The following RBM20 variants were observed in gnomAD, a reference collection of about 807,000 sequenced individuals.
RBM20 encodes the protein RNA-binding protein 20.
RBM20 carries 51 observed loss-of-function variants against 110.1 expected under a neutral mutation model. The ratio of observed to expected loss-of-function variants is 0.46; its 90% CI spans 0.37 to 0.59. The LOEUF (loss-of-function observed/expected upper bound fraction) is 0.59. RBM20 is among the 20% of genes least tolerant of loss of function. The pLI, the probability that RBM20 is intolerant of heterozygous loss-of-function variation, is 0.00. For missense variants in RBM20, 1,512 were observed against 1,574.9 expected, an observed-to-expected ratio of 0.96 and a Z score of 0.68; for synonymous variants, 589 against 618.2, an observed-to-expected ratio of 0.95 and a Z score of 0.70.
intron 12 of RBM20, among the ~76,000 whole-genome samples, chr10:110,828,554 T>C (rs780418946): frequency 6.6e-6 from 1 of 152,206 alleles, no homozygotes; most frequent in African/African-American, 2.4e-5. Flanking sequence ...AAAGCCAACA[T>C]TTAGGCAGTT....
chr10:110,681,562 G>A (rs1862422785), intron 1 of RBM20, among the ~76,000 whole-genome samples: 1 of 152,216 alleles, frequency 6.6e-6, no homozygotes, highest in Non-Finnish European at 1.5e-5. Flanking sequence ...ACCATTGGAA[G>A]GTTGAGGCTG....
chr10:110,750,494 A>T (rs1215896696), intron 1 of RBM20, among the ~76,000 whole-genome samples: 1 of 152,218 alleles, frequency 6.6e-6, no homozygotes, highest in African/African-American at 2.4e-5. Context: ...GGAGCAGAGA[A>T]GGAAGAACGC....
chr10:110,821,958 C>T lies in RBM20; in HGVS notation c.3316+23C>T, dbSNP rs533035713. 56 of 1,550,204 alleles carry T rather than the reference C, an allele frequency of 3.6e-5. 1 individual carries two copies. In the Middle Eastern group the frequency reaches 5.0e-4, roughly 14 times the overall value. ...CGGGTAACTATCTCCCCTTTCCTCA[C>T]GGGTGGTCGGGTTGATTGGACTCCT... On this transcript the variant is annotated intron_variant, in intron 11 of 13. Transcript: ENST00000369519.
chr10:110,701,770 C>T (rs1276856961), intron 1 of RBM20, among the ~76,000 whole-genome samples: 3 of 152,170 alleles, frequency 2.0e-5, no homozygotes, highest in African/African-American at 7.2e-5. Context: ...TCTCCCAAGC[C>T]TGATTGCCTT....
intron 1 of RBM20, among the ~76,000 whole-genome samples, chr10:110,663,178 G>A (rs891712430): frequency 1.3e-5 from 2 of 151,662 alleles, no homozygotes; most frequent in Admixed American, 6.6e-5. Context: ...GACTGGTCTC[G>A]ACCTCCTGAG....
intron 1 of RBM20, among the ~76,000 whole-genome samples, chr10:110,724,793 A>T (rs1843544081): frequency 1.3e-5 from 2 of 152,196 alleles, no homozygotes; most frequent in South Asian, 4.2e-4. Context: ...ATCACAGGAG[A>T]TGCTTTATCC....
chr10:110,683,502 C>T (rs1325726472), intron 1 of RBM20, among the ~76,000 whole-genome samples: 1 of 152,216 alleles, frequency 6.6e-6, no homozygotes, highest in Non-Finnish European at 1.5e-5. Context: ...TTATCTCTCC[C>T]TATCCTCTTA....
chr10:110,679,720 G>A (rs904160637), intron 1 of RBM20, among the ~76,000 whole-genome samples: 1 of 152,186 alleles, frequency 6.6e-6, no homozygotes, highest in Non-Finnish European at 1.5e-5. Context: ...CCACAGGCTG[G>A]CAGTCTGTCT....
intron 1 of RBM20, among the ~76,000 whole-genome samples, chr10:110,665,840 C>G (rs1375809485): frequency 6.6e-6 from 1 of 152,024 alleles, no homozygotes; most frequent in African/African-American, 2.4e-5. Flanking sequence ...CAGAAGTTGG[C>G]TGGGTGTTGT....
intron 1 of RBM20, among the ~76,000 whole-genome samples, chr10:110,706,634 G>A (rs1468546638): frequency 6.6e-6 from 1 of 152,226 alleles, no homozygotes; most frequent in Non-Finnish European, 1.5e-5. Flanking sequence ...TGGGATGAAA[G>A]GGTGGGAAAT....
chr10:110,766,318 T>TTTTTTGG (rs372616749), intron 1 of RBM20, among the ~76,000 whole-genome samples: 1 of 149,184 alleles, frequency 6.7e-6, no homozygotes. Context: ...ACTTTGTTTT[T>TTTTTTGG]TTTTTTGTTT....
intron 1 of RBM20, among the ~76,000 whole-genome samples, chr10:110,647,892 A>G (rs1861891521): frequency 6.6e-6 from 1 of 152,188 alleles, no homozygotes; most frequent in Admixed American, 6.5e-5. Flanking sequence ...TTCCGTGTGA[A>G]ATGTTGAAGT....
intron 1 of RBM20, among the ~76,000 whole-genome samples, chr10:110,775,897 A>C (rs982103980): frequency 1.3e-5 from 2 of 152,180 alleles, no homozygotes. Flanking sequence ...ATTCCTAGGA[A>C]GTCATCAAGG....
At chr10:110,678,448 T>G (rs1862374081) in intron 1 of RBM20, among the ~76,000 whole-genome samples, 1 of 152,238 alleles carries the variant, frequency 6.6e-6, no homozygotes, top group Non-Finnish European at 1.5e-5. Context: ...CACTGCAGCA[T>G]CATCAGAGAA....
chr10:110,830,051 G>A (rs1427232289), intron 12 of RBM20, among the ~76,000 whole-genome samples: 5 of 152,208 alleles, frequency 3.3e-5, no homozygotes, highest in Non-Finnish European at 7.3e-5. Flanking sequence ...GGTAAACAGG[G>A]CATGTGTTCC....
At chr10:110,701,697 T>C (rs956815501) in intron 1 of RBM20, among the ~76,000 whole-genome samples, 2 of 152,206 alleles carry the variant, frequency 1.3e-5, no homozygotes, top group African/African-American at 4.8e-5. Context: ...TTTTGATGAA[T>C]GTCCCTGTGT....
At chr10:110,708,974 G>A (rs12572685) in intron 1 of RBM20, among the ~76,000 whole-genome samples, 23,846 of 152,228 alleles carry the variant, frequency 0.16, 2,709 homozygotes, top group East Asian at 0.47. Context: ...ACGAGGCAGT[G>A]ATGCAATTTT....
At chr10:110,689,565 G>T (rs1590619077) in intron 1 of RBM20, among the ~76,000 whole-genome samples, 1 of 152,216 alleles carries the variant, frequency 6.6e-6, no homozygotes, top group Non-Finnish European at 1.5e-5. Context: ...GTTCCATCAT[G>T]TATAACTATT....
intron 1 of RBM20, 81 bp from the exon 2 acceptor site, chr10:110,780,720 G>A: frequency 7.0e-7 from 1 of 1,425,794 alleles, no homozygotes; most frequent in Admixed American, 2.8e-5. Context: ...TGTGGGAGGG[G>A]GGACCACAGA....
Sources: allele counts gnomAD v4.1 joint callset (sites outside exome capture counted in the v4.1 genomes callset), GRCh38; gene constraint gnomAD v4.1.1; transcripts MANE v1.5; gene names NCBI Gene and HGNC (gene_info 2026-07-23, HGNC 2026-07-21).